The following KIF14 variants were observed in gnomAD, a reference collection of about 807,000 sequenced individuals.
KIF14 encodes the protein kinesin-like protein KIF14.
KIF14 carries 98 observed loss-of-function variants against 176.2 expected under a neutral mutation model. The observed-to-expected ratio is 0.56, with a 90% confidence interval of 0.47 to 0.66. KIF14 has a LOEUF of 0.66. Among genes scored for constraint, KIF14 ranks in the 30% least tolerant of loss-of-function variants. The pLI is 0.00. For synonymous variants in KIF14, 566 were observed against 632.2 expected (o/e 0.90, Z 1.57); for missense variants, 1,751 against 1,920.4 (o/e 0.91, Z 1.65).
chr1:200,609,466 T>C (rs1660046946), intron 4 of KIF14, among the ~76,000 whole-genome samples: 1 of 152,126 alleles, frequency 6.6e-6, no homozygotes, highest in Admixed American at 6.6e-5. Context: ...CTGGCCAACA[T>C]GGTGAAACCA....
At chr1:200,606,896 A>G (rs1338702364) in intron 5 of KIF14, 98 bp from the exon 6 acceptor site, 1 of 959,192 alleles carries the variant, frequency 1.0e-6, no homozygotes, top group Non-Finnish European at 1.6e-6. Flanking sequence ...AAGGTAAGAG[A>G]TTTGTCTTTA....
chr1:200,573,063 CCA>C, intron 22 of KIF14, among the ~76,000 whole-genome samples: 1 of 152,092 alleles, frequency 6.6e-6, no homozygotes, highest in South Asian at 2.1e-4. Flanking sequence ...TATTGAATGC[CCA>C]CCCACCGTAA....
At chr1:200,616,417 CTCTT>C (rs1251393252) in intron 2 of KIF14, among the ~76,000 whole-genome samples, 3 of 152,182 alleles carry the variant, frequency 2.0e-5, no homozygotes, top group Non-Finnish European at 4.4e-5. Flanking sequence ...TCCCTACCAG[CTCTT>C]TCTATTGTTT....
At chr1:200,615,276 C>A in intron 3 of KIF14, 79 bp downstream of exon 3, 2 of 1,361,912 alleles carry the variant, frequency 1.5e-6, no homozygotes, top group East Asian at 2.3e-5. Context: ...AAACTATATT[C>A]TTTCTATCAC....
chr1:200,588,644 A>G (rs1658886326), intron 18 of KIF14, among the ~76,000 whole-genome samples: 2 of 152,298 alleles, frequency 1.3e-5, no homozygotes, highest in South Asian at 4.1e-4. Flanking sequence ...AAATACTGAC[A>G]GTAAGGTGCT....
At chr1:200,565,891 T>C (rs1306632087) in intron 23 of KIF14, among the ~76,000 whole-genome samples, 1 of 152,222 alleles carries the variant, frequency 6.6e-6, no homozygotes, top group African/African-American at 2.4e-5. Context: ...GCTATACTTG[T>C]GTATGTTGAT....
At chr1:200,563,599 T>C (rs1045944325) in intron 25 of KIF14, among the ~76,000 whole-genome samples, 1 of 152,160 alleles carries the variant, frequency 6.6e-6, no homozygotes, top group African/African-American at 2.4e-5. Context: ...TTATTCACTA[T>C]GTTGCCCAGG....
intron 25 of KIF14, among the ~76,000 whole-genome samples, chr1:200,563,742 G>T (rs1278850646): frequency 6.6e-6 from 1 of 152,096 alleles, no homozygotes; most frequent in African/African-American, 2.4e-5. Context: ...GAATTTTTAA[G>T]AAGGAATTTG....
intron 26 of KIF14, 80 bp downstream of exon 26, chr1:200,560,642 C>T (rs1657088475): frequency 7.2e-7 from 1 of 1,380,976 alleles, no homozygotes; most frequent in African/African-American, 1.5e-5. Flanking sequence ...AAAGAACTTG[C>T]CATGTTTAGT....
intron 27 of KIF14, among the ~76,000 whole-genome samples, chr1:200,557,625 A>G (rs970733083): frequency 5.3e-5 from 8 of 152,202 alleles, no homozygotes; most frequent in African/African-American, 1.9e-4. Flanking sequence ...AGAAATCTGT[A>G]TAACCCTGTA....
In KIF14 at chr1:200,612,805, C is replaced by G. The variant is rs151002146; in HGVS notation, c.1455+1513G>C. 2.4e-3 allele frequency among the ~76,000 whole-genome samples: 364 copies of G among 151,776 alleles called. 2 individuals are homozygous for G. The highest frequency in any genetic ancestry group is 8.4e-3 in the African/African-American group (349 of 41,362). The stretch of plus-strand genomic sequence containing the variant: ...TCCCTCATCCTCCATTTCCAATAAT[C>G]AGCAAGTCTTACCAGTTATCCTTAC... On this transcript the variant is annotated intron_variant, in intron 4 of 29. Coordinates refer to ENST00000367350, the MANE Select transcript of KIF14 (RefSeq NM_014875.3).
intron 25 of KIF14, 70 bp downstream of exon 25, chr1:200,564,999 A>G: frequency 8.1e-7 from 1 of 1,230,422 alleles, no homozygotes; most frequent in Non-Finnish European, 1.2e-6. Context: ...TGGGGAAGAT[A>G]TAGACAGTAG....
intron 10 of KIF14, among the ~76,000 whole-genome samples, chr1:200,602,677 T>G (rs2102733586): frequency 6.6e-6 from 1 of 152,320 alleles, no homozygotes; most frequent in African/African-American, 2.4e-5. Context: ...AACTGTATAT[T>G]AATGCCTATC....
In KIF14 at chr1:200,565,624, G is replaced by A. The variant is rs1167880498; in HGVS notation, c.3707C>T (p.Ser1236Phe). ...SSTIYSNSAE[S>F]FLPGICKELI... ...TTCTTTGCAAATTCCAGGAAGAAAG[G>A]ACTCTGCTGAATTTGAGTAAATAGT... The change falls in exon 24 of 30, where the codon TCC becomes TTC. Residue 1236 changes from serine to phenylalanine, a missense_variant. Physicochemically the swap from Ser to Phe is radical, Grantham distance 155. Coordinates refer to ENST00000367350, the MANE Select transcript of KIF14 (RefSeq NM_014875.3). 1 of 1,609,192 alleles carries A rather than the reference G, an allele frequency of 6.2e-7. No individual in the cohort carries two copies. Among genetic ancestry groups the A allele is most frequent in the Non-Finnish European group, 8.5e-7 (1 of 1,179,130 alleles).
chr1:200,618,063 T>C lies in KIF14; in HGVS notation c.661A>G (p.Ile221Val), dbSNP rs1473972232. The C allele has an allele frequency of 6.2e-7, 1 of 1,614,128 alleles. No homozygotes were observed. Among genetic ancestry groups the C allele is most frequent in the Non-Finnish European group, 8.5e-7 (1 of 1,180,014 alleles). ...ALKYSSNRPP[I>V]ASLSQTEVVR... ...ACTTCAGTCTGACTCAGGGAAGCAATGGGTGGTCTATTACTTGAGTACTTA... is the reference window on the plus strand; with the variant it reads ...ACTTCAGTCTGACTCAGGGAAGCAACGGGTGGTCTATTACTTGAGTACTTA... The change falls in exon 2 of 30, where the codon ATT becomes GTT. Residue 221 changes from isoleucine (I) to valine (V), a missense_variant. By Grantham distance (29) the Ile-to-Val change is conservative (BLOSUM62 3). Coordinates refer to ENST00000367350, the MANE Select transcript of KIF14 (RefSeq NM_014875.3).
intron 1 of KIF14, among the ~76,000 whole-genome samples, chr1:200,620,043 G>T (rs2809353): frequency 0.94 from 143,667 of 152,296 alleles, 67,855 homozygotes; most frequent in Middle Eastern, 0.99. Context: ...ATTATTGCTA[G>T]CGAGGAACAA....
At chr1:200,588,866 G>C (rs936786288) in intron 18 of KIF14, among the ~76,000 whole-genome samples, 3 of 152,222 alleles carry the variant, frequency 2.0e-5, no homozygotes, top group Non-Finnish European at 4.4e-5. Context: ...GTGACATCAG[G>C]ATGTGACCCA....
intron 23 of KIF14, among the ~76,000 whole-genome samples, chr1:200,567,890 C>T (rs1013837157): frequency 8.7e-5 from 13 of 148,956 alleles, no homozygotes; most frequent in African/African-American, 1.5e-4. Context: ...AGTAGGGTAA[C>T]GATGACTCAA....
chr1:200,597,001 C>T lies in KIF14; in HGVS notation c.2549+1236G>A, dbSNP rs1430745370. 1.0e-4 allele frequency among the ~76,000 whole-genome samples: 15 copies of T among 147,312 alleles called. 1 individual carries two copies. The highest frequency in any genetic ancestry group is 3.0e-4 in the African/African-American group (12 of 39,638). Reference sequence around the variant, plus strand: ...GCAACATCCACCTCCTAGGTTCAAGCGATTCTCATGCCTCAGCCTCCTGAG... The same window carrying T: ...GCAACATCCACCTCCTAGGTTCAAGTGATTCTCATGCCTCAGCCTCCTGAG... On this transcript the variant is annotated intron_variant, in intron 14 of 29. Coordinates refer to ENST00000367350, the MANE Select transcript of KIF14 (RefSeq NM_014875.3).
Sources: gnomAD v4.1 joint callset for allele counts (sites outside exome capture counted in the v4.1 genomes callset) on GRCh38, gnomAD v4.1.1 for gene constraint, MANE v1.5 for transcripts, NCBI Gene and HGNC (gene_info 2026-07-23, HGNC 2026-07-21) for gene names.